The following EMC3 variants were observed in gnomAD, a reference collection of about 807,000 sequenced individuals.
EMC3 encodes the protein ER membrane protein complex subunit 3.
In EMC3, 13 loss-of-function variants were observed where a neutral mutation model predicts 36.6. The observed-to-expected ratio is 0.35, with a 90% CI of 0.23 to 0.56. The LOEUF is 0.56. Ranked by LOEUF, EMC3 falls within the 20% of genes least tolerant of loss-of-function variation. The probability of loss-of-function intolerance (pLI) is 0.84; values close to 1 mark genes in which losing one functional copy is unlikely to be tolerated. For missense variants in EMC3, 220 were observed against 324.5 expected (o/e 0.68, Z 2.47); for synonymous variants, 120 against 111.9 (o/e 1.07, Z -0.46).
intron 1 of EMC3, among the ~76,000 whole-genome samples, chr3:9,997,283 G>A (rs1254486722): frequency 6.6e-6 from 1 of 151,310 alleles, no homozygotes; most frequent in Admixed American, 6.6e-5. Flanking sequence ...TGTTAGCCAG[G>A]ATGGTCTCGA....
At chr3:10,008,121 G>A (rs1270480648) in intron 1 of EMC3, among the ~76,000 whole-genome samples, 1 of 152,188 alleles carries the variant, frequency 6.6e-6, no homozygotes, top group Non-Finnish European at 1.5e-5. Flanking sequence ...TTCTGCTTGA[G>A]CTCCCCAAGG....
At chr3:9,984,588 T>C (rs993545801) in intron 1 of EMC3, among the ~76,000 whole-genome samples, 4 of 152,044 alleles carry the variant, frequency 2.6e-5, no homozygotes, top group Non-Finnish European at 4.4e-5. Context: ...AGACGGGGTT[T>C]CACCATGTTA....
chr3:10,000,762 A>G (rs978440789), intron 1 of EMC3: 5 of 485,198 alleles, frequency 1.0e-5, no homozygotes, highest in African/African-American at 7.9e-5. Context: ...CCACCAGTGT[A>G]TCCTCTCCCC....
At chr3:10,005,572 C>T (rs937932519) in intron 1 of EMC3, among the ~76,000 whole-genome samples, 7 of 152,198 alleles carry the variant, frequency 4.6e-5, no homozygotes, top group Admixed American at 2.0e-4. Flanking sequence ...CCATGCCCCA[C>T]CACTTCTTGC....
intron 1 of EMC3, among the ~76,000 whole-genome samples, chr3:10,002,293 T>TG (rs1298171726): frequency 6.6e-6 from 1 of 151,444 alleles, no homozygotes; most frequent in Admixed American, 6.6e-5. Flanking sequence ...TTTTATTTTA[T>TG]TTTATTTTAT....
At chr3:9,984,150 C>T (rs113357501) in intron 1 of EMC3, among the ~76,000 whole-genome samples, 34,078 of 151,170 alleles carry the variant, frequency 0.23, 4,442 homozygotes, top group African/African-American at 0.36. Context: ...GGCATGATCT[C>T]GGCTCACCGC....
chr3:9,986,733 G>C lies in EMC3; in HGVS notation c.-72C>G. The C allele has an allele frequency of 1.3e-6, 2 of 1,588,056 alleles. No homozygotes were observed. The highest frequency in any genetic ancestry group is 1.7e-6 in the Non-Finnish European group (2 of 1,166,918). Reference sequence around the variant, plus strand: ...CTCCGGGGCACAGTTGCTTCTCTTCGGCTTCGCCTCCGGGCCTTCTCAAGC... The same window carrying C: ...CTCCGGGGCACAGTTGCTTCTCTTCCGCTTCGCCTCCGGGCCTTCTCAAGC... On this transcript the variant is annotated 5_prime_UTR_variant, in exon 1 of 8. Transcript: ENST00000245046.
At chr3:9,997,523 G>A (rs1050667814) in intron 1 of EMC3, among the ~76,000 whole-genome samples, 6 of 152,106 alleles carry the variant, frequency 3.9e-5, no homozygotes, top group Admixed American at 3.9e-4. Flanking sequence ...GCAGTGGCAC[G>A]ATATCAGCTT....
At chr3:10,009,083 A>G (rs28667821) in intron 1 of EMC3, 56,919 of 152,126 alleles carry the variant, frequency 0.37, 14,706 homozygotes, top group African/African-American at 0.74. Flanking sequence ...GGGCAAGCTC[A>G]TAGGGGTTCG....
chr3:9,983,361 T>A (rs1269916463), intron 1 of EMC3, among the ~76,000 whole-genome samples: 1 of 152,122 alleles, frequency 6.6e-6, no homozygotes, highest in African/African-American at 2.4e-5. Context: ...TTGGCCAGGC[T>A]GGTCTTGAAC....
intron 1 of EMC3, among the ~76,000 whole-genome samples, chr3:9,997,711 C>T (rs1388392942): frequency 3.9e-5 from 6 of 152,120 alleles, no homozygotes; most frequent in Non-Finnish European, 5.9e-5. Flanking sequence ...CCACCCTCCT[C>T]GGCCTCCCAA....
chr3:9,986,788 T>C lies in EMC3; in HGVS notation c.-127A>G, dbSNP rs540067371. On this transcript the variant is annotated 5_prime_UTR_variant, in exon 1 of 8. Coordinates refer to ENST00000245046, the MANE Select transcript of EMC3 (RefSeq NM_001394674.1). The stretch of plus-strand genomic sequence containing the variant: ...TTGCCCGTGTACCCCAGAACTCTCC[T>C]GCGACTGTGAGCCGAGCTTACTGCC... 12 of 1,483,414 alleles carry C rather than the reference T, an allele frequency of 8.1e-6. No individual in the cohort carries two copies. Among genetic ancestry groups the C allele is most frequent in the Admixed American group, 2.5e-5 (1 of 39,912 alleles). The allele number at this position is 1,483,414 out of a possible 1,614,324, so 91.9% of individuals were successfully genotyped here.
upstream of EMC3, among the ~76,000 whole-genome samples, chr3:9,989,724 A>G (rs1169363205): frequency 3.3e-5 from 5 of 152,178 alleles, no homozygotes; most frequent in South Asian, 4.1e-4. Context: ...TAACACCTTG[A>G]CTGCCTGCAT....
At position 10,006,152 on chromosome 3, in the gene EMC3, C is replaced by T. The variant is rs184181244; in HGVS notation, c.-242+4871G>A. ...CCAGCAACTGGTGAAGTCTTAGAAA[C>T]GTCCCTGATACACCAAAAACCATCC... On this transcript the variant is annotated intron_variant, in intron 1 of 8. Transcript: ENST00000470827. Among the ~76,000 whole-genome samples the T allele has an allele frequency of 2.1e-3, 326 of 152,322 alleles. 7 individuals are homozygous for T. The highest frequency in any genetic ancestry group is 0.02 in the Admixed American group (301 of 15,296).
At chr3:9,984,850 C>T (rs1200797500) in intron 1 of EMC3, among the ~76,000 whole-genome samples, 1 of 152,214 alleles carries the variant, frequency 6.6e-6, no homozygotes, top group African/African-American at 2.4e-5. Context: ...CCCTGTGTGA[C>T]GCTGTAACGC....
At chr3:9,995,857 T>TG (rs968278713) in intron 1 of EMC3, among the ~76,000 whole-genome samples, 1 of 151,312 alleles carries the variant, frequency 6.6e-6, no homozygotes, top group Admixed American at 6.6e-5. Context: ...TGAAATTTGC[T>TG]GGAAAAAAAA....
chr3:9,970,038 CAAT>C, intron 6 of EMC3, among the ~76,000 whole-genome samples: 1 of 152,320 alleles, frequency 6.6e-6, no homozygotes, highest in East Asian at 1.9e-4. Context: ...CAAATTTCAA[CAAT>C]AACAGCCACC....
intron 1 of EMC3, among the ~76,000 whole-genome samples, chr3:9,997,379 T>C (rs2086139495): frequency 6.6e-6 from 1 of 152,152 alleles, no homozygotes. Context: ...CAGCATATTT[T>C]CAAGGTTCAT....
At chr3:9,982,379 G>A (rs761969858) in intron 1 of EMC3, among the ~76,000 whole-genome samples, 4 of 151,866 alleles carry the variant, frequency 2.6e-5, no homozygotes, top group East Asian at 1.9e-4. Context: ...TCAGCCTCCC[G>A]AGTAGCTGGG....
Sources: allele counts gnomAD v4.1 joint callset (sites outside exome capture counted in the v4.1 genomes callset), GRCh38; gene constraint gnomAD v4.1.1; transcripts MANE v1.5; gene names NCBI Gene and HGNC (gene_info 2026-07-23, HGNC 2026-07-21).